GGACT: variants seen among roughly 807,000 people sequenced by gnomAD.
The protein encoded by GGACT is gamma-glutamylamine cyclotransferase, also known as gamma-glutamylaminecyclotransferase.
For missense variants in GGACT, 241 were observed against 233.2 expected (o/e 1.03, Z -0.22); for synonymous variants, 118 against 115.3 (o/e 1.02, Z -0.15).
chr13:100,576,541 C>T (rs1022561404), intron 2 of GGACT, among the ~76,000 whole-genome samples: 1 of 152,146 alleles, frequency 6.6e-6, no homozygotes, highest in Non-Finnish European at 1.5e-5. Flanking sequence ...GTAAATAATC[C>T]AAATGGCCCT....
At chr13:100,547,325 G>A (rs578133685) in intron 2 of GGACT, among the ~76,000 whole-genome samples, 58 of 152,338 alleles carry the variant, frequency 3.8e-4, no homozygotes, top group Non-Finnish European at 5.6e-4. Flanking sequence ...ACTTGCTGCC[G>A]CAGACACAGG....
chr13:100,579,722 G>A (rs142946360), intron 2 of GGACT, among the ~76,000 whole-genome samples: 5 of 152,246 alleles, frequency 3.3e-5, no homozygotes, highest in Admixed American at 6.5e-5. Context: ...TCCACATGGC[G>A]GTCTGTGCTT....
At chr13:100,584,799 G>A (rs577851662) in intron 1 of GGACT, among the ~76,000 whole-genome samples, 1 of 151,918 alleles carries the variant, frequency 6.6e-6, no homozygotes, top group South Asian at 2.1e-4. Context: ...TATCAAAAAA[G>A]AACTATTTGA....
chr13:100,567,953 T>C (rs56839071), intron 2 of GGACT, among the ~76,000 whole-genome samples: 4,193 of 152,298 alleles, frequency 0.028, 190 homozygotes, highest in African/African-American at 0.095. Context: ...CTGGTGGAGC[T>C]CTAGCCATAA....
At chr13:100,550,299 TACACACACAC>T (rs755235689) in intron 2 of GGACT, among the ~76,000 whole-genome samples, 1,210 of 27,118 alleles carry the variant, frequency 0.045, 55 homozygotes, top group South Asian at 0.075. Flanking sequence ...GATTATACTC[TACACACACAC>T]ACACACACAC....
intron 2 of GGACT, among the ~76,000 whole-genome samples, chr13:100,562,782 C>T (rs549847202): frequency 2.1e-5 from 3 of 140,284 alleles, no homozygotes; most frequent in South Asian, 2.3e-4. Flanking sequence ...GGCAACACAG[C>T]GAGACAATGT....
chr13:100,542,848 G>A (rs1370025664), intron 2 of GGACT, among the ~76,000 whole-genome samples: 4 of 152,198 alleles, frequency 2.6e-5, no homozygotes, highest in Non-Finnish European at 5.9e-5. Context: ...CCATCTGGTC[G>A]GGCGCTGCCT....
intron 2 of GGACT, among the ~76,000 whole-genome samples, chr13:100,563,176 C>T (rs1050741260): frequency 6.6e-6 from 1 of 152,064 alleles, no homozygotes; most frequent in African/African-American, 2.4e-5. Context: ...GGATGCTGCC[C>T]CACGATCAAT....
intron 2 of GGACT, among the ~76,000 whole-genome samples, chr13:100,581,285 G>A (rs550481922): frequency 8.5e-5 from 13 of 152,240 alleles, no homozygotes; most frequent in East Asian, 1.9e-4. Flanking sequence ...CCAGAGAAAC[G>A]GCTGAACCTA....
Position 100,530,239 on chromosome 13 carries a change from C to A in GGACT, c.*1891G>T. Reference sequence around the variant, plus strand: ...ATGATGCTTTCACACACAATTGATTCAAGCATTATACAGGAACACCCCTGT... The same window carrying A: ...ATGATGCTTTCACACACAATTGATTAAAGCATTATACAGGAACACCCCTGT... On this transcript the variant is annotated 3_prime_UTR_variant, in exon 3 of 3. Coordinates refer to ENST00000683975, the MANE Select transcript of GGACT (RefSeq NM_001195087.2). 8.3e-7 allele frequency: 1 copy of A among 1,202,694 alleles called. No homozygotes were observed. The highest frequency in any genetic ancestry group is 1.2e-6 in the Non-Finnish European group (1 of 808,648). 74.5% of individuals were successfully genotyped at this position (1,202,694 alleles called of 1,614,324 possible). A position where few individuals can be genotyped will look rare whatever the true frequency, so the allele number is the denominator to read the frequency against.
chr13:100,532,892 T>G (rs1594179970), intron 2 of GGACT, among the ~76,000 whole-genome samples: 1 of 152,352 alleles, frequency 6.6e-6, no homozygotes, highest in South Asian at 2.1e-4. Context: ...ATGGTGTTTT[T>G]GGGTTTGCCA....
intron 2 of GGACT, among the ~76,000 whole-genome samples, chr13:100,553,301 T>C (rs563128579): frequency 1.3e-5 from 2 of 152,168 alleles, no homozygotes; most frequent in South Asian, 2.1e-4. Context: ...CAGGCAAAAA[T>C]GTGAATGCAG....
chr13:100,552,759 C>T (rs764247163), intron 2 of GGACT, among the ~76,000 whole-genome samples: 5 of 152,118 alleles, frequency 3.3e-5, no homozygotes, highest in Admixed American at 1.3e-4. Context: ...GCATCTAGGA[C>T]GGGCCAGGCA....
intron 2 of GGACT, among the ~76,000 whole-genome samples, chr13:100,543,565 T>A (rs2088574893): frequency 6.6e-6 from 1 of 152,214 alleles, no homozygotes; most frequent in Admixed American, 6.5e-5. Flanking sequence ...AATATTCATC[T>A]TTATATGAAA....
At chr13:100,541,885 A>G (rs983762740) in intron 2 of GGACT, 5 of 152,238 alleles carry the variant, frequency 3.3e-5, no homozygotes, top group South Asian at 2.1e-4. Context: ...CATTTTATGT[A>G]TTGAGTTCAA....
intron 2 of GGACT, among the ~76,000 whole-genome samples, chr13:100,561,175 T>C (rs1457395575): frequency 2.0e-5 from 3 of 152,234 alleles, no homozygotes; most frequent in African/African-American, 7.2e-5. Flanking sequence ...TCCATTGCTA[T>C]TATTTTACCA....
Position 100,531,071 on chromosome 13 carries a change from A to C in GGACT, c.*1059T>G, listed in dbSNP as rs1343685272. 1 of 152,254 alleles carries C rather than the reference A, an allele frequency of 6.6e-6. No homozygotes were observed. 9.4% of individuals were successfully genotyped at this position (152,254 alleles called of 1,614,324 possible). A position where few individuals can be genotyped will look rare whatever the true frequency, so the allele number is the denominator to read the frequency against. ...AGTTGAAGAGTAAGTGAGCTCTCCC[A>C]ACAGAGAATGAGGTTACTAAAGATC... On this transcript the variant is annotated 3_prime_UTR_variant, in exon 3 of 3. Coordinates refer to ENST00000683975, the MANE Select transcript of GGACT (RefSeq NM_001195087.2).
chr13:100,564,243 G>A (rs188754936), intron 2 of GGACT, among the ~76,000 whole-genome samples: 1 of 152,132 alleles, frequency 6.6e-6, no homozygotes, highest in Non-Finnish European at 1.5e-5. Context: ...TTGTGGGAAG[G>A]GTCTATCTGT....
At chr13:100,549,627 A>G (rs899383824) in intron 2 of GGACT, among the ~76,000 whole-genome samples, 5 of 152,228 alleles carry the variant, frequency 3.3e-5, no homozygotes, top group African/African-American at 1.2e-4. Context: ...GTAAGGCAGG[A>G]CTCGTTTTGG....
Sources: allele counts gnomAD v4.1 joint callset (sites outside exome capture counted in the v4.1 genomes callset), GRCh38; gene constraint gnomAD v4.1.1; transcripts MANE v1.5; gene names NCBI Gene and HGNC (gene_info 2026-07-23, HGNC 2026-07-21).